DYRK1B: variants seen among roughly 807,000 people sequenced by gnomAD.
The protein encoded by DYRK1B is dual specificity tyrosine phosphorylation regulated kinase 1B.
DYRK1B carries 20 observed loss-of-function variants against 57.1 expected under a neutral mutation model. The ratio of observed to expected loss-of-function variants is 0.35; its 90% confidence interval spans 0.25 to 0.51. DYRK1B has a LOEUF of 0.51. DYRK1B is among the 20% of genes least tolerant of loss of function. The pLI, the probability that DYRK1B is intolerant of heterozygous loss-of-function variation, is 0.96. For synonymous variants in DYRK1B, 409 were observed against 384.7 expected (o/e 1.06, Z -0.74); for missense variants, 732 against 886.3 (o/e 0.83, Z 2.21).
In DYRK1B at chr19:39,826,319, A is replaced by G. The variant is rs564038303; in HGVS notation, c.1412-33T>C. 3.3e-6 allele frequency: 5 copies of G among 1,512,064 alleles called. No individual in the cohort carries two copies. The Admixed American group carries it at 1.1e-4, about 33-fold the overall frequency. 93.7% of individuals were successfully genotyped at this position (1,512,064 alleles called of 1,614,324 possible). A position where few individuals can be genotyped will look rare whatever the true frequency, so the allele number is the denominator to read the frequency against. On this transcript the variant is annotated intron_variant, in intron 9 of 10. Transcript: ENST00000323039. The surrounding 1 kb of genome is among the most constrained non-coding windows in gnomAD (Gnocchi z 6.3). Reference sequence around the variant, plus strand: ...TGCCAGGGAGGAGAGGTGAAGGGGCATAAGGTGAGAGAAGGTGGCGAGTGG... The same window carrying G: ...TGCCAGGGAGGAGAGGTGAAGGGGCGTAAGGTGAGAGAAGGTGGCGAGTGG...
At chr19:39,827,227 C>T (rs1344795541) in intron 8 of DYRK1B, 58 bp downstream of exon 8, 1 of 1,552,874 alleles carries the variant, frequency 6.4e-7, no homozygotes, top group Non-Finnish European at 8.7e-7. Context: ...GGGAGAGAGC[C>T]CCAAGTGTGA....
At position 39,826,057 on chromosome 19, in the gene DYRK1B, C is replaced by A; in HGVS notation, c.1548G>T (p.Trp516Cys). 6.6e-7 allele frequency: 1 copy of A among 1,520,254 alleles called. No individual in the cohort carries two copies. The allele number at this position is 1,520,254 out of a possible 1,614,324, so 94.2% of individuals were successfully genotyped here. The change falls in exon 11 of 11, where the codon TGG (tryptophan) becomes TGT (cysteine). Residue 516 changes from tryptophan (W) to cysteine (C), a missense_variant. This residue lies in a region of DYRK1B where 222 missense variants were observed against 205.0 expected (regional missense o/e 1.08). Coordinates refer to ENST00000323039, the MANE Select transcript of DYRK1B (RefSeq NM_004714.3). This position sits in a 1 kb window ranked among gnomAD's most constrained non-coding sequence, Gnocchi z 6.3. Reference sequence around the variant, plus strand: ...TCTTGTGGGGCACATCACCCCCTGCCCAGGGCCGCAGCGGCTGGGAGGGTG... The same window carrying A: ...TCTTGTGGGGCACATCACCCCCTGCACAGGGCCGCAGCGGCTGGGAGGGTG... ...QVPPSQPLRPWAGGDVPHKTH... is the reference protein window; with the variant it reads ...QVPPSQPLRPCAGGDVPHKTH...
chr19:39,827,159 G>C (rs907687503), intron 8 of DYRK1B, 126 bp downstream of exon 8: 1 of 1,324,246 alleles, frequency 7.6e-7, no homozygotes, highest in African/African-American at 1.5e-5. Flanking sequence ...GGGGAGGAAG[G>C]AAAGGACAGA....
chr19:39,828,826 C>CT lies in DYRK1B; in HGVS notation c.521-244dup, dbSNP rs1262057792. Among the ~76,000 whole-genome samples, 1 of 152,260 alleles carries CT rather than the reference C, an allele frequency of 6.6e-6. No individual in the cohort carries two copies. Among genetic ancestry groups the CT allele is most frequent in the East Asian group, 1.9e-4 (1 of 5,208 alleles). ...AAAGTTTCATTAGTTACTACTAGCTCTAACACATTCTACACTTCCTCATTT... is the reference window on the plus strand; with the variant it reads ...AAAGTTTCATTAGTTACTACTAGCTCTTAACACATTCTACACTTCCTCATTT... On this transcript the variant is annotated intron_variant, in intron 5 of 10. Transcript: ENST00000323039. The surrounding 1 kb of genome is among the most constrained non-coding windows in gnomAD (Gnocchi z 4.3).
In DYRK1B at chr19:39,830,193, CA is replaced by C; in HGVS notation, c.373-167del. The stretch of plus-strand genomic sequence containing the variant: ...GGTGTAAACACTGGATGTGAAATAA[CA>C]TAACGACCTTATGTTGAGTCTTGTT... On this transcript the variant is annotated intron_variant, in intron 4 of 10. Transcript: ENST00000323039. The C allele has an allele frequency of 2.6e-6, 3 of 1,145,516 alleles. 1 individual carries two copies. 71.0% of individuals were successfully genotyped at this position (1,145,516 alleles called of 1,614,324 possible).
chr19:39,832,379 G>T (rs971033867), intron 1 of DYRK1B, among the ~76,000 whole-genome samples: 6 of 152,012 alleles, frequency 3.9e-5, no homozygotes, highest in African/African-American at 1.5e-4. Context: ...CCCTCCCCAG[G>T]GCCCCTAACA....
In DYRK1B at chr19:39,826,263, C is replaced by T; in HGVS notation, c.1435G>A (p.Asp479Asn). 1 of 1,590,094 alleles carries T rather than the reference C, an allele frequency of 6.3e-7. No homozygotes were observed. Among genetic ancestry groups the T allele is most frequent in the Non-Finnish European group, 8.5e-7 (1 of 1,171,010 alleles). ...SSGGSSGSSS[D>N]NRTYRYSNRY... is the part of the protein sequence containing the mutation. ...TTGCTGTAGCGGTAGGTCCGGTTGTCACTGGAGGAGCCACTGGAGCCTCCT... is the reference window on the plus strand; with the variant it reads ...TTGCTGTAGCGGTAGGTCCGGTTGTTACTGGAGGAGCCACTGGAGCCTCCT... Residue 479 changes from aspartate to asparagine, a missense_variant, in exon 10 of 11, where the codon GAC (aspartate) becomes AAC (asparagine). Physicochemically the swap from Asp to Asn is conservative, Grantham distance 23. Transcript: ENST00000323039. The surrounding 1 kb of genome is among the most constrained non-coding windows in gnomAD (Gnocchi z 6.3).
chr19:39,827,893 T>C (rs1349117238), intron 6 of DYRK1B, among the ~76,000 whole-genome samples: 3 of 152,134 alleles, frequency 2.0e-5, no homozygotes, highest in Non-Finnish European at 4.4e-5. Flanking sequence ...ACCCGGATCC[T>C]GGGCCCTTCT....
chr19:39,830,646 C>A lies in DYRK1B; in HGVS notation c.183+18G>T. On this transcript the variant is annotated intron_variant, in intron 3 of 10. Coordinates refer to ENST00000323039, the MANE Select transcript of DYRK1B (RefSeq NM_004714.3). ...AGACCCTCGGCACCCAGCCCAGGAT[C>A]CCCCAGCCCCTGCCCACCTCATTGA... is the stretch of plus-strand genomic sequence containing the variant. The A allele has an allele frequency of 6.2e-7, 1 of 1,612,878 alleles. No individual in the cohort carries two copies. Among genetic ancestry groups the A allele is most frequent in the Non-Finnish European group, 8.5e-7 (1 of 1,179,188 alleles).
At chr19:39,829,820 C>A in intron 5 of DYRK1B, 60 bp downstream of exon 5, 1 of 1,590,316 alleles carries the variant, frequency 6.3e-7, no homozygotes. Context: ...TGACCCATCC[C>A]TACTGGCTCC....
At chr19:39,833,810 C>G (rs1223798627) in intron 1 of DYRK1B, among the ~76,000 whole-genome samples, 1 of 152,202 alleles carries the variant, frequency 6.6e-6, no homozygotes, top group South Asian at 2.1e-4. Flanking sequence ...CGGCTACCCC[C>G]TCCCAGCCTC....
At chr19:39,827,014 G>GGGGGGGGGGGCC in intron 8 of DYRK1B, 27 bp from the exon 9 acceptor site, 13 of 419,500 alleles carry the variant, frequency 3.1e-5, no homozygotes, top group Non-Finnish European at 5.2e-5. Flanking sequence ...GGGAGGGGGG[G>GGGGGGGGGGGCC]CAAGAGAGTG....
intron 2 of DYRK1B, 123 bp from the exon 3 acceptor site, chr19:39,830,906 T>C: frequency 2.4e-6 from 3 of 1,228,866 alleles, no homozygotes; most frequent in Non-Finnish European, 3.3e-6. Flanking sequence ...GTTCCACCTG[T>C]CTAGGAAAGA....
chr19:39,826,169 A>G lies in DYRK1B; in HGVS notation c.1518+11T>C, dbSNP rs1312292314. 1.9e-6 allele frequency: 3 copies of G among 1,599,484 alleles called. No homozygotes were observed. In the South Asian group the frequency reaches 3.4e-5, roughly 18 times the overall value. ...CACCACCCACCTCCAAAGCCCCCAA[A>G]GCCCCATTACCTGGGGGCTGTTCAT... On this transcript the variant is annotated intron_variant, in intron 10 of 10. Coordinates refer to ENST00000323039, the MANE Select transcript of DYRK1B (RefSeq NM_004714.3). The surrounding 1 kb of genome is among the most constrained non-coding windows in gnomAD (Gnocchi z 6.3).
chr19:39,828,621 G>T lies in DYRK1B; in HGVS notation c.521-38C>A, dbSNP rs772735330. The stretch of plus-strand genomic sequence containing the variant: ...GGAGGAAATGGGCCAGAGAAGAAAC[G>T]GCTCAGAGAGGGCAGGTGGTGGCCT... On this transcript the variant is annotated intron_variant, in intron 5 of 10. Coordinates refer to ENST00000323039, the MANE Select transcript of DYRK1B (RefSeq NM_004714.3). The surrounding 1 kb of genome is among the most constrained non-coding windows in gnomAD (Gnocchi z 4.3). 4.4e-6 allele frequency: 7 copies of T among 1,577,844 alleles called. No individual in the cohort carries two copies. The South Asian group carries it at 8.1e-5, about 18-fold the overall frequency.
In DYRK1B at chr19:39,832,686, G is replaced by A. The variant is rs555034790; in HGVS notation, c.-101-718C>T. 1.9e-3 allele frequency among the ~76,000 whole-genome samples: 284 copies of A among 152,080 alleles called. 2 individuals carry two copies. Among genetic ancestry groups the A allele is most frequent in the Non-Finnish European group, 3.1e-3 (210 of 67,962 alleles). On this transcript the variant is annotated intron_variant, in intron 1 of 10. Coordinates refer to ENST00000323039, the MANE Select transcript of DYRK1B (RefSeq NM_004714.3). The stretch of plus-strand genomic sequence containing the variant: ...TCCACCAGGGCACGATTTTCCTAGG[G>A]GACCCTCTCCATATCATGCCAAGAC...
chr19:39,831,731 T>C (rs1968820098), intron 2 of DYRK1B, 74 bp downstream of exon 2: 2 of 1,532,414 alleles, frequency 1.3e-6, no homozygotes, highest in Non-Finnish European at 1.8e-6. Flanking sequence ...CCACACTACC[T>C]TTTGGTCTGG....
chr19:39,831,845 C>A lies in DYRK1B; in HGVS notation c.23G>T (p.Gly8Val). MAVPPGH[G>V]PFSGFPGPQE... ...GGGCCCTGGGAAGCCAGAGAAGGGA[C>A]CATGGCCCGGTGGGACGGCCATGGT... is the stretch of plus-strand genomic sequence containing the variant. Residue 8 changes from glycine to valine, a missense_variant, in exon 2 of 11, where the codon GGT becomes GTT. Gly to Val is a moderately radical substitution (Grantham distance 109). Around this residue, in one of 2 missense-constraint regions of DYRK1B, gnomAD observed 510 missense variants for 681.3 expected, o/e 0.75. Coordinates refer to ENST00000323039, the MANE Select transcript of DYRK1B (RefSeq NM_004714.3). 2.0e-6 allele frequency: 3 copies of A among 1,533,450 alleles called. No homozygotes were observed. Among genetic ancestry groups the A allele is most frequent in the Non-Finnish European group, 2.6e-6 (3 of 1,137,758 alleles). The allele number at this position is 1,533,450 out of a possible 1,614,324, so 95.0% of individuals were successfully genotyped here.
chr19:39,829,390 C>A (rs556280759), intron 5 of DYRK1B, among the ~76,000 whole-genome samples: 5 of 152,202 alleles, frequency 3.3e-5, no homozygotes, highest in African/African-American at 1.2e-4. Flanking sequence ...CCACATCAAG[C>A]TAATTTTTTC....
Sources: gnomAD v4.1 joint callset for allele counts (sites outside exome capture counted in the v4.1 genomes callset) on GRCh38, gnomAD v4.1.1 for gene constraint, gnomAD v4.1.1 regional missense constraint, Gnocchi (gnomAD v3.1) non-coding constraint, MANE v1.5 for transcripts, NCBI Gene and HGNC (gene_info 2026-07-23, HGNC 2026-07-21) for gene names.